Variants in LY96 observed in about 807,000 individuals in gnomAD.
LY96 encodes myeloid differentiation protein-2.
A neutral mutation model predicts 18.9 loss-of-function variants in LY96; 18 were observed. That is an observed-to-expected ratio of 0.95 (90% CI 0.66 to 1.41). The LOEUF (loss-of-function observed/expected upper bound fraction) is 1.41, where lower values mean the gene tolerates loss of function less well. LY96 is among the 40% of genes most tolerant of loss of function. The probability of loss-of-function intolerance (pLI) is 0.00; values close to 1 mark genes in which losing one functional copy is unlikely to be tolerated. For synonymous variants in LY96, 66 were observed against 62.6 expected, an observed-to-expected ratio of 1.06 and a Z score of -0.26; for missense variants, 175 against 182.4, an observed-to-expected ratio of 0.96 and a Z score of 0.23.
the LY96 span, among the ~76,000 whole-genome samples, chr8:74,087,416 A>G: frequency 6.6e-6 from 1 of 152,120 alleles, no homozygotes; most frequent in Non-Finnish European, 1.5e-5. Flanking sequence ...AGGAAATTGT[A>G]TTTTATTACA....
chr8:74,054,520 T>TTTCCTTCCTTCCTTCCTTCCTTCC, the LY96 span, among the ~76,000 whole-genome samples: 126 of 118,404 alleles, frequency 1.1e-3, 1 homozygote, highest in African/African-American at 3.9e-3. Flanking sequence ...TTTTCTTTCT[T>TTTCCTTCCTTCCTTCCTTCCTTCC]TTCCTTCCTT....
the LY96 span, among the ~76,000 whole-genome samples, chr8:74,044,018 C>T: frequency 6.6e-5 from 10 of 152,058 alleles, no homozygotes; most frequent in African/African-American, 2.4e-4. Context: ...GAACCTCCTG[C>T]CTCAGCCTTA....
chr8:73,992,836 CTG>C (rs34327741), intron 1 of LY96, among the ~76,000 whole-genome samples: 6,514 of 141,638 alleles, frequency 0.046, 146 homozygotes, highest in Middle Eastern at 0.08. Flanking sequence ...AATTATGCCA[CTG>C]TGTGTGTGTG....
At chr8:74,034,876 G>A in the LY96 span, among the ~76,000 whole-genome samples, 2 of 152,138 alleles carry the variant, frequency 1.3e-5, no homozygotes, top group Non-Finnish European at 1.5e-5. Context: ...CCAAATCAAG[G>A]ATGGGTACAA....
the LY96 span, among the ~76,000 whole-genome samples, chr8:74,059,448 A>G: frequency 6.6e-6 from 1 of 152,232 alleles, no homozygotes; most frequent in Non-Finnish European, 1.5e-5. Context: ...AGATATAAAG[A>G]CATTTTTAAA....
At chr8:74,008,102 C>T (rs1185729017) in intron 2 of LY96, among the ~76,000 whole-genome samples, 3 of 152,166 alleles carry the variant, frequency 2.0e-5, no homozygotes, top group Admixed American at 1.3e-4. Context: ...TTGACATCCC[C>T]AGCCTGCTGA....
the LY96 span, among the ~76,000 whole-genome samples, chr8:74,094,429 A>G: frequency 6.6e-6 from 1 of 152,218 alleles, no homozygotes; most frequent in African/African-American, 2.4e-5. Context: ...TAACAAATTG[A>G]TGATATTTGA....
chr8:74,060,180 C>G, the LY96 span, among the ~76,000 whole-genome samples: 1 of 152,068 alleles, frequency 6.6e-6, no homozygotes, highest in Admixed American at 6.5e-5. Context: ...ACGACGACGA[C>G]AACGAAAAAC....
the LY96 span, among the ~76,000 whole-genome samples, chr8:74,064,199 A>G: frequency 5.3e-5 from 8 of 152,352 alleles, no homozygotes; most frequent in African/African-American, 1.9e-4. Flanking sequence ...ATGTCCATTA[A>G]CAAGAGAATG....
the LY96 span, among the ~76,000 whole-genome samples, chr8:74,073,366 C>T: frequency 1.2e-4 from 19 of 152,268 alleles, no homozygotes; most frequent in South Asian, 4.1e-4. Context: ...CATCCAACAG[C>T]GTGAAAGGTG....
the LY96 span, among the ~76,000 whole-genome samples, chr8:74,074,464 T>C: frequency 6.6e-6 from 1 of 152,160 alleles, no homozygotes; most frequent in Admixed American, 6.5e-5. Flanking sequence ...ATGTTTTATA[T>C]TGTTTTCATT....
chr8:74,067,032 G>T, the LY96 span, among the ~76,000 whole-genome samples: 9 of 152,292 alleles, frequency 5.9e-5, no homozygotes, highest in African/African-American at 2.2e-4. Flanking sequence ...AAGTGTTCTT[G>T]TGCATCCGGC....
chr8:74,042,184 G>A, the LY96 span, among the ~76,000 whole-genome samples: 1 of 152,084 alleles, frequency 6.6e-6, no homozygotes, highest in African/African-American at 2.4e-5. Flanking sequence ...AATAACAAAG[G>A]CATGCATGCA....
At chr8:74,072,512 A>C in the LY96 span, among the ~76,000 whole-genome samples, 1 of 152,202 alleles carries the variant, frequency 6.6e-6, no homozygotes, top group Non-Finnish European at 1.5e-5. Flanking sequence ...ATATTTTGCT[A>C]TTATAAGAAA....
chr8:74,060,169 G>T, the LY96 span, among the ~76,000 whole-genome samples: 4 of 152,208 alleles, frequency 2.6e-5, no homozygotes, highest in East Asian at 7.7e-4. Flanking sequence ...CGACGACGAC[G>T]ACGACGACGA....
At chr8:74,092,986 G>T in the LY96 span, among the ~76,000 whole-genome samples, 1 of 152,006 alleles carries the variant, frequency 6.6e-6, no homozygotes, top group Non-Finnish European at 1.5e-5. Context: ...GTCTTTCATG[G>T]TTTCTTATTG....
intron 2 of LY96, among the ~76,000 whole-genome samples, chr8:74,007,005 G>A (rs1439564493): frequency 6.6e-6 from 1 of 152,208 alleles, no homozygotes; most frequent in Non-Finnish European, 1.5e-5. Flanking sequence ...TTGGGGTGCA[G>A]GTCTGATACC....
At chr8:74,084,717 G>T in the LY96 span, among the ~76,000 whole-genome samples, 1 of 151,994 alleles carries the variant, frequency 6.6e-6, no homozygotes, top group Non-Finnish European at 1.5e-5. Context: ...AGATTCAAGC[G>T]ATTCTCCTGC....
intron 1 of LY96, among the ~76,000 whole-genome samples, chr8:74,003,066 T>C (rs1482353813): frequency 6.6e-6 from 1 of 152,234 alleles, no homozygotes; most frequent in Non-Finnish European, 1.5e-5. Flanking sequence ...GCTCCTTTGT[T>C]TGAAACATCT....
Sources: allele counts gnomAD v4.1 joint callset (sites outside exome capture counted in the v4.1 genomes callset), GRCh38; gene constraint gnomAD v4.1.1; transcripts MANE v1.5; gene names NCBI Gene and HGNC (gene_info 2026-07-23, HGNC 2026-07-21).